The following PARVB variants were observed in gnomAD, a reference collection of about 807,000 sequenced individuals.
PARVB encodes beta-parvin.
In PARVB, 46 loss-of-function variants were observed where a neutral mutation model predicts 47.0. The ratio of observed to expected loss-of-function variants is 0.98; its 90% CI spans 0.77 to 1.25. The LOEUF (loss-of-function observed/expected upper bound fraction) is 1.25. Ranked by LOEUF, PARVB falls within the 50% of genes most tolerant of loss-of-function variation. The pLI is 0.00. For missense variants in PARVB, 473 were observed against 471.6 expected (o/e 1.00, Z -0.03); for synonymous variants, 196 against 196.3 (o/e 1.00, Z 0.01).
At chr22:44,080,617 A>G (rs771846972) in intron 1 of PARVB, among the ~76,000 whole-genome samples, 4 of 152,320 alleles carry the variant, frequency 2.6e-5, no homozygotes, top group African/African-American at 4.8e-5. Flanking sequence ...CCCTCTTGCC[A>G]TGCAAAGTCA....
chr22:44,052,944 A>AAAAAC lies in PARVB; in HGVS notation c.112+28515_112+28519dup, dbSNP rs559914323. 7.3e-3 allele frequency among the ~76,000 whole-genome samples: 1,116 copies of AAAAAC among 152,238 alleles called. 14 individuals are homozygous for AAAAAC. The highest frequency in any genetic ancestry group is 0.025 in the African/African-American group (1,048 of 41,518). ...GGAGACAGAGCAAAGCCCTATCTCA[A>AAAAAC]AAAACAAAACAAAACAAAACAAAAC... On this transcript the variant is annotated intron_variant, in intron 1 of 12. Transcript: ENST00000338758.
At chr22:44,000,883 A>G (rs1026224258) in intron 2 of PARVB, among the ~76,000 whole-genome samples, 15 of 152,226 alleles carry the variant, frequency 9.9e-5, no homozygotes, top group South Asian at 2.1e-4. Flanking sequence ...TATGCTAGTC[A>G]TTTGCAAAAT....
chr22:44,105,877 G>A (rs1385376763), intron 3 of PARVB: 1 of 152,288 alleles, frequency 6.6e-6, no homozygotes, highest in African/African-American at 2.4e-5. Flanking sequence ...CACCCAGGCT[G>A]GAGTGCAGTG....
Position 44,049,026 on chromosome 22 carries a change from G to C in PARVB, c.112+24575G>C, listed in dbSNP as rs1018554120. Among the ~76,000 whole-genome samples the C allele has an allele frequency of 6.6e-6, 1 of 152,228 alleles. No individual in the cohort carries two copies. Among genetic ancestry groups the C allele is most frequent in the African/African-American group, 2.4e-5 (1 of 41,456 alleles). On this transcript the variant is annotated intron_variant, in intron 1 of 12. Coordinates refer to ENST00000338758, the MANE Select transcript of PARVB (RefSeq NM_013327.5). This position sits in a 1 kb window ranked among gnomAD's most constrained non-coding sequence, Gnocchi z 4.0. ...ATTTTGCCGAGGAGGGAACAGAAGTGTGGAGTCCTCCCAGCCACATGGCCT... is the reference window on the plus strand; with the variant it reads ...ATTTTGCCGAGGAGGGAACAGAAGTCTGGAGTCCTCCCAGCCACATGGCCT...
intron 1 of PARVB, among the ~76,000 whole-genome samples, chr22:44,090,280 G>A (rs1254133488): frequency 1.3e-5 from 2 of 152,218 alleles, no homozygotes. Context: ...CCTGCCAACC[G>A]AGGGGTCTGC....
In PARVB at chr22:44,163,918, G is replaced by T. The variant is rs755736911; in HGVS notation, c.1006G>T (p.Ala336Ser). 2 of 1,609,990 alleles carry T rather than the reference G, an allele frequency of 1.2e-6. No homozygotes were observed. Among genetic ancestry groups the T allele is most frequent in the Admixed American group, 3.4e-5 (2 of 59,468 alleles). Reference protein sequence around the residue: ...MLDGGLKKPKARPEDVVNLDL... With the variant: ...MLDGGLKKPKSRPEDVVNLDL... ...GGACGGAGGCCTCAAGAAACCCAAG[G>T]CTCGTCCTGAAGGTAATGCCCCTGG... The change falls in exon 12 of 13, where the codon GCT becomes TCT. Residue 336 changes from alanine (A) to serine (S), a missense_variant. Transcript: ENST00000338758.
At chr22:44,057,671 C>T (rs560322372) in intron 1 of PARVB, among the ~76,000 whole-genome samples, 11 of 151,890 alleles carry the variant, frequency 7.2e-5, no homozygotes, top group South Asian at 2.1e-4. Context: ...GCAGGGGGCC[C>T]GGTGTCTCAG....
At chr22:44,057,559 G>A (rs981746873) in intron 1 of PARVB, among the ~76,000 whole-genome samples, 3 of 151,998 alleles carry the variant, frequency 2.0e-5, no homozygotes, top group African/African-American at 7.3e-5. Flanking sequence ...CCGCACTCTG[G>A]GTGGACTGGG....
At chr22:44,004,497 AGTTT>A (rs1219510374) in intron 2 of PARVB, among the ~76,000 whole-genome samples, 6 of 152,132 alleles carry the variant, frequency 3.9e-5, no homozygotes, top group Non-Finnish European at 8.8e-5. Context: ...CATTCCTCAA[AGTTT>A]GTTACAGGCC....
At chr22:44,161,308 C>CCT (rs2054046078) in intron 11 of PARVB, among the ~76,000 whole-genome samples, 1 of 128,716 alleles carries the variant, frequency 7.8e-6, no homozygotes, top group Non-Finnish European at 1.6e-5. Flanking sequence ...TTTTTCTTTT[C>CCT]TTTTTTTTTT....
chr22:44,128,732 C>T (rs1036017376), intron 4 of PARVB, among the ~76,000 whole-genome samples: 1 of 152,208 alleles, frequency 6.6e-6, no homozygotes, highest in Non-Finnish European at 1.5e-5. Flanking sequence ...CCCACTGTCC[C>T]TGCTACCAGC....
intron 10 of PARVB, among the ~76,000 whole-genome samples, chr22:44,157,551 C>A (rs1281650911): frequency 6.6e-6 from 1 of 152,114 alleles, no homozygotes; most frequent in South Asian, 2.1e-4. Flanking sequence ...GATTCTCCTG[C>A]CTAAAGTGAG....
rs2052124256 is a variant in PARVB at position 44,089,915 on chromosome 22, TCCTCCAGGAAGC to T, written c.113-4006_113-3995del. 6.6e-6 allele frequency among the ~76,000 whole-genome samples: 1 copy of T among 152,078 alleles called. No individual in the cohort carries two copies. Among genetic ancestry groups the T allele is most frequent in the Non-Finnish European group, 1.5e-5 (1 of 67,998 alleles). On this transcript the variant is annotated intron_variant, in intron 1 of 12. Coordinates refer to ENST00000338758, the MANE Select transcript of PARVB (RefSeq NM_013327.5). This position sits in a 1 kb window ranked among gnomAD's most constrained non-coding sequence, Gnocchi z 4.0. ...TTTCAAGGCCAGTTCAATTGCTGCC[TCCTCCAGGAAGC>T]CCTCCATGCTTCTCTGTGGAATAGG...
intron 2 of PARVB, among the ~76,000 whole-genome samples, chr22:44,004,336 A>G (rs1048330385): frequency 6.6e-6 from 1 of 152,218 alleles, no homozygotes; most frequent in Non-Finnish European, 1.5e-5. Flanking sequence ...AAAATCAACT[A>G]TAACCTAACA....
chr22:44,132,474 C>T (rs562901980), intron 5 of PARVB, among the ~76,000 whole-genome samples: 5 of 152,164 alleles, frequency 3.3e-5, no homozygotes, highest in Non-Finnish European at 7.3e-5. Context: ...TCTTGGCAGC[C>T]TACCCTTGTT....
chr22:44,093,805 T>C, intron 1 of PARVB, 123 bp from the exon 2 acceptor site: 1 of 654,698 alleles, frequency 1.5e-6, no homozygotes, highest in South Asian at 1.9e-5. Context: ...ACAGACCTTT[T>C]AGGAATGTTT....
In PARVB at chr22:44,017,149, A is replaced by T. The variant is rs530537814; in HGVS notation, c.211+17476A>T. On this transcript the variant is annotated intron_variant, in intron 2 of 13. Coordinates refer to the PARVB transcript ENST00000406477. ...CTCAGCCTCCCAAAGTGCTGGGATT[A>T]CAAGTGTGAGCCACCGTGCCTGGCC... Among the ~76,000 whole-genome samples, 12 of 152,316 alleles carry T rather than the reference A, an allele frequency of 7.9e-5. No individual in the cohort carries two copies. The South Asian group carries it at 2.3e-3, about 29-fold the overall frequency.
intron 1 of PARVB, among the ~76,000 whole-genome samples, chr22:44,053,306 A>T (rs1350795179): frequency 6.6e-6 from 1 of 151,482 alleles, no homozygotes; most frequent in Non-Finnish European, 1.5e-5. Context: ...ATGGTCTCGA[A>T]CTCCTGCCCT....
intron 1 of PARVB, among the ~76,000 whole-genome samples, chr22:44,055,656 A>ATCTC (rs3083345): frequency 0.041 from 6,107 of 148,276 alleles, 160 homozygotes; most frequent in Middle Eastern, 0.074. Flanking sequence ...GTCTCTATCC[A>ATCTC]TCTCTCTCTC....
Sources: allele counts gnomAD v4.1 joint callset (sites outside exome capture counted in the v4.1 genomes callset), GRCh38; gene constraint gnomAD v4.1.1; non-coding constraint Gnocchi (gnomAD v3.1); transcripts MANE v1.5; gene names NCBI Gene and HGNC (gene_info 2026-07-23, HGNC 2026-07-21).